Variants in TANC2 observed in about 807,000 individuals in gnomAD.
The protein encoded by TANC2 is tetratricopeptide repeat, ankyrin repeat and coiled-coil containing 2, also known as protein TANC2.
In TANC2, 26 loss-of-function variants were observed where a neutral mutation model predicts 210.5. That is an observed-to-expected ratio of 0.12 (90% CI 0.09 to 0.17). TANC2 has a LOEUF of 0.17. Ranked by LOEUF, TANC2 falls within the 10% of genes least tolerant of loss-of-function variation. The pLI is 1.00. For missense variants in TANC2, 2,129 were observed against 2,608.9 expected (o/e 0.82, Z 4.01); for synonymous variants, 931 against 967.1 (o/e 0.96, Z 0.69).
At chr17:63,325,589 G>T (rs1363238820) in intron 11 of TANC2, among the ~76,000 whole-genome samples, 2 of 152,110 alleles carry the variant, frequency 1.3e-5, no homozygotes, top group African/African-American at 4.8e-5. Flanking sequence ...AACTGTGGAG[G>T]GCAGACAGGG....
chr17:63,013,455 C>T (rs932863003), intron 2 of TANC2, among the ~76,000 whole-genome samples: 7 of 151,658 alleles, frequency 4.6e-5, no homozygotes, highest in African/African-American at 1.7e-4. Flanking sequence ...TAATCTTTAT[C>T]ATTGAAAAAA....
At chr17:63,160,152 A>G (rs1350285403) in intron 5 of TANC2, among the ~76,000 whole-genome samples, 1 of 152,226 alleles carries the variant, frequency 6.6e-6, no homozygotes, top group Non-Finnish European at 1.5e-5. Flanking sequence ...AACATTAATT[A>G]CTTTCTCCAA....
intron 5 of TANC2, among the ~76,000 whole-genome samples, chr17:63,160,839 T>C (rs1031248325): frequency 6.6e-6 from 1 of 152,212 alleles, no homozygotes; most frequent in African/African-American, 2.4e-5. Flanking sequence ...TTAAAATTTA[T>C]GTGTGTTTGT....
chr17:63,246,437 A>T (rs747945262), intron 8 of TANC2, among the ~76,000 whole-genome samples: 1 of 152,122 alleles, frequency 6.6e-6, no homozygotes, highest in Non-Finnish European at 1.5e-5. Flanking sequence ...GGACATTTTC[A>T]TTACCTCAGA....
At chr17:63,216,481 T>C (rs2042029907) in intron 7 of TANC2, among the ~76,000 whole-genome samples, 1 of 152,178 alleles carries the variant, frequency 6.6e-6, no homozygotes, top group African/African-American at 2.4e-5. Flanking sequence ...CAGCAAATTA[T>C]TGAACTCGAG....
At chr17:63,406,356 C>T in intron 21 of TANC2, 79 bp downstream of exon 21, 1 of 1,580,700 alleles carries the variant, frequency 6.3e-7, no homozygotes, top group Non-Finnish European at 8.6e-7. Context: ...CAATGGATCC[C>T]AGGAGATGCT....
intron 7 of TANC2, among the ~76,000 whole-genome samples, chr17:63,235,084 A>T (rs2146034042): frequency 6.6e-6 from 1 of 152,252 alleles, no homozygotes; most frequent in East Asian, 1.9e-4. Flanking sequence ...CCAGTTATCA[A>T]AAAAATCACT....
At chr17:63,107,444 C>CT (rs1299300627) in intron 4 of TANC2, among the ~76,000 whole-genome samples, 1 of 151,492 alleles carries the variant, frequency 6.6e-6, no homozygotes, top group Non-Finnish European at 1.5e-5. Flanking sequence ...ACGATTATTG[C>CT]TTTTTTATGC....
rs1435441479 is a variant in TANC2, at chr17:63,405,899, T to C, written c.3466-255T>C. On this transcript the variant is annotated intron_variant, in intron 20 of 27. Coordinates refer to ENST00000689528, the Ensembl canonical transcript of TANC2. ...CTATGGGATTGTTTAATCCTACATC[T>C]TGGCCTTTGTTAAGTTCTTTTTTAC... 5.3e-5 allele frequency among the ~76,000 whole-genome samples: 8 copies of C among 152,366 alleles called. No homozygotes were observed. The South Asian group carries it at 1.7e-3, about 32-fold the overall frequency.
At chr17:63,413,461 C>A in intron 24 of TANC2, 82 bp from the exon 25 acceptor site, 1 of 1,091,852 alleles carries the variant, frequency 9.2e-7, no homozygotes, top group Non-Finnish European at 1.3e-6. Context: ...AGAAATTCCC[C>A]TAGGGTATTT....
At chr17:63,256,406 A>T (rs1008060597) in intron 8 of TANC2, among the ~76,000 whole-genome samples, 2 of 152,176 alleles carry the variant, frequency 1.3e-5, no homozygotes, top group African/African-American at 4.8e-5. Context: ...TTTGTATAGT[A>T]TCCAGAGTTC....
intron 2 of TANC2, among the ~76,000 whole-genome samples, chr17:63,027,153 C>T (rs1007858655): frequency 6.6e-6 from 1 of 152,092 alleles, no homozygotes; most frequent in Non-Finnish European, 1.5e-5. Flanking sequence ...ATGATCAATT[C>T]ACATTTTAAC....
intron 5 of TANC2, among the ~76,000 whole-genome samples, chr17:63,177,952 T>G (rs959199809): frequency 1.6e-4 from 25 of 152,202 alleles, no homozygotes; most frequent in African/African-American, 5.3e-4. Context: ...AACAATTATC[T>G]CTATTTTGCA....
chr17:63,066,183 AG>A (rs1208973126), intron 2 of TANC2, among the ~76,000 whole-genome samples: 5 of 152,098 alleles, frequency 3.3e-5, no homozygotes, highest in African/African-American at 1.2e-4. Flanking sequence ...AGCCTGGCAA[AG>A]GGTGGGTCTG....
intron 2 of TANC2, among the ~76,000 whole-genome samples, chr17:63,047,514 A>G (rs545568086): frequency 5.3e-5 from 8 of 152,116 alleles, no homozygotes; most frequent in Admixed American, 1.3e-4. Context: ...TGAGATGGGG[A>G]GCTCTGTTGG....
intron 25 of TANC2, among the ~76,000 whole-genome samples, chr17:63,414,594 G>A (rs893898734): frequency 3.3e-5 from 5 of 152,184 alleles, no homozygotes; most frequent in Non-Finnish European, 5.9e-5. Context: ...ATTCTGAGGC[G>A]AGGAGTCCTC....
At chr17:63,422,213 G>T (rs538014063) in exon 28 of TANC2, 6 of 421,836 alleles carry the variant, frequency 1.4e-5, no homozygotes, top group African/African-American at 6.0e-5. Flanking sequence ...GGAGATTTTC[G>T]TGCTGTGTGC....
At chr17:63,362,912 A>T (rs2047007479) in intron 14 of TANC2, among the ~76,000 whole-genome samples, 1 of 151,934 alleles carries the variant, frequency 6.6e-6, no homozygotes, top group Admixed American at 6.6e-5. Context: ...AGCTCACCCT[A>T]GACTCTATTT....
chr17:63,145,283 A>G (rs73994406), intron 4 of TANC2, among the ~76,000 whole-genome samples: 1,940 of 152,230 alleles, frequency 0.013, 40 homozygotes, highest in African/African-American at 0.044. Context: ...GAAACAAAGA[A>G]TGACACAAAC....
Sources: gnomAD v4.1 joint callset for allele counts (sites outside exome capture counted in the v4.1 genomes callset) on GRCh38, gnomAD v4.1.1 for gene constraint, MANE v1.5 for transcripts, NCBI Gene and HGNC (gene_info 2026-07-23, HGNC 2026-07-21) for gene names.